The following STK3 variants were observed in gnomAD, a reference collection of about 807,000 sequenced individuals.
STK3 encodes the protein serine/threonine-protein kinase 3.
Under a neutral mutation model 58.0 loss-of-function variants are expected in STK3, and 41 were observed. The ratio of observed to expected loss-of-function variants is 0.71; its 90% CI spans 0.55 to 0.92. STK3 has a LOEUF of 0.92. Among genes scored for constraint, STK3 ranks in the 40% least tolerant of loss-of-function variants. The probability of loss-of-function intolerance (pLI) is 0.00; values close to 1 mark genes in which losing one functional copy is unlikely to be tolerated. For missense variants in STK3, 479 were observed against 602.7 expected (o/e 0.79, Z 2.15); for synonymous variants, 170 against 191.0 (o/e 0.89, Z 0.91).
chr8:98,548,906 A>G (rs1399630454), intron 8 of STK3, among the ~76,000 whole-genome samples: 2 of 152,186 alleles, frequency 1.3e-5, no homozygotes, highest in Non-Finnish European at 2.9e-5. Context: ...AGCCTAATGC[A>G]TTCAAGATTC....
chr8:98,588,934 GGTT>G (rs1814956249), intron 7 of STK3, among the ~76,000 whole-genome samples: 1 of 146,746 alleles, frequency 6.8e-6, no homozygotes, highest in African/African-American at 2.5e-5. Context: ...CTCGAGCCTT[GGTT>G]TTCAGCTCCA....
chr8:98,344,851 C>T, the STK3 span, among the ~76,000 whole-genome samples: 3 of 139,788 alleles, frequency 2.1e-5, no homozygotes, highest in African/African-American at 8.0e-5. Context: ...CGAGATCCCG[C>T]CACTGCACTC....
intron 1 of STK3, among the ~76,000 whole-genome samples, chr8:98,928,533 C>T (rs2132031037): frequency 6.6e-6 from 1 of 152,272 alleles, no homozygotes; most frequent in Non-Finnish European, 1.5e-5. Flanking sequence ...ATAGTTATTC[C>T]ACCTTTGACT....
intron 2 of STK3, among the ~76,000 whole-genome samples, chr8:98,378,082 A>T (rs7005379): frequency 0.63 from 95,396 of 151,992 alleles, 30,760 homozygotes; most frequent in Non-Finnish European, 0.69. Flanking sequence ...AAGAAGCAAG[A>T]CAGCTTCAGA....
At chr8:98,842,479 C>G (rs1489807859) in intron 3 of STK3, among the ~76,000 whole-genome samples, 1 of 152,138 alleles carries the variant, frequency 6.6e-6, no homozygotes, top group Admixed American at 6.6e-5. Flanking sequence ...AGTCTGAAAA[C>G]AGCCTGGGCA....
rs534454249 is a variant in STK3 at position 98,547,908 on chromosome 8, T to C, written c.1141+61A>G. On this transcript the variant is annotated intron_variant, in intron 9 of 10. Coordinates refer to ENST00000419617, the MANE Select transcript of STK3 (RefSeq NM_006281.4). ...AAAAAGTAACACAGAACTAGCCTGG[T>C]TCCTATAAAAGTATCCTTTCGAATT... 3 of 1,394,924 alleles carry C rather than the reference T, an allele frequency of 2.2e-6. No individual in the cohort carries two copies. The South Asian group carries it at 5.5e-5, about 26-fold the overall frequency. 86.4% of individuals were successfully genotyped at this position (1,394,924 alleles called of 1,614,324 possible).
chr8:98,671,612 C>T (rs1016954728), intron 6 of STK3, among the ~76,000 whole-genome samples: 7 of 151,582 alleles, frequency 4.6e-5, no homozygotes, highest in South Asian at 2.1e-4. Flanking sequence ...CAGGGTCTCT[C>T]GCTCTGTCAC....
intron 3 of STK3, among the ~76,000 whole-genome samples, chr8:98,864,188 A>G (rs1193971607): frequency 2.5e-5 from 3 of 120,352 alleles, no homozygotes; most frequent in South Asian, 2.7e-4. Flanking sequence ...ACAGAGCGAG[A>G]CTCCTTCTCA....
intron 6 of STK3, among the ~76,000 whole-genome samples, chr8:98,661,624 G>A (rs781447358): frequency 2.0e-5 from 3 of 151,942 alleles, no homozygotes; most frequent in South Asian, 2.1e-4. Context: ...CATAATCTTC[G>A]GGGAGGAAAA....
chr8:98,649,241 T>C (rs961005044), intron 6 of STK3, among the ~76,000 whole-genome samples: 1 of 152,176 alleles, frequency 6.6e-6, no homozygotes, highest in Non-Finnish European at 1.5e-5. Flanking sequence ...ATCGTAGATA[T>C]CAACCATTTA....
chr8:98,720,979 C>T (rs1587417619), intron 4 of STK3: 2 of 532,148 alleles, frequency 3.8e-6, no homozygotes, highest in South Asian at 8.2e-5. Context: ...GTACCTGCCC[C>T]AGCTCAGCAT....
chr8:98,679,953 T>C (rs1219003723), intron 6 of STK3, among the ~76,000 whole-genome samples: 1 of 152,212 alleles, frequency 6.6e-6, no homozygotes, highest in Non-Finnish European at 1.5e-5. Flanking sequence ...TGATTTGGTA[T>C]AACAAAGGTA....
At chr8:98,624,197 G>C (rs1011228775) in intron 6 of STK3, among the ~76,000 whole-genome samples, 5 of 152,184 alleles carry the variant, frequency 3.3e-5, no homozygotes, top group African/African-American at 1.2e-4. Flanking sequence ...TCTTTTGGGG[G>C]CATCAGTCTT....
chr8:98,927,116 G>A (rs774620527), intron 1 of STK3, among the ~76,000 whole-genome samples: 59 of 152,204 alleles, frequency 3.9e-4, no homozygotes, highest in Non-Finnish European at 7.2e-4. Context: ...CAGAATGAGG[G>A]TGATGAGATG....
chr8:98,687,147 A>T (rs1161507330), intron 6 of STK3, among the ~76,000 whole-genome samples: 2 of 152,208 alleles, frequency 1.3e-5, no homozygotes, highest in African/African-American at 4.8e-5. Context: ...ATCCAAGGTC[A>T]CCCAAAAGAA....
chr8:98,733,055 G>C (rs1828322442), intron 4 of STK3, among the ~76,000 whole-genome samples: 1 of 152,074 alleles, frequency 6.6e-6, no homozygotes, highest in Non-Finnish European at 1.5e-5. Context: ...GTACAACACT[G>C]GATATTTAGA....
At chr8:98,517,193 C>T (rs1824999306) in intron 10 of STK3, among the ~76,000 whole-genome samples, 1 of 152,012 alleles carries the variant, frequency 6.6e-6, no homozygotes, top group Non-Finnish European at 1.5e-5. Flanking sequence ...CATTTATCTC[C>T]TTAAGGTCTG....
At chr8:98,904,172 A>G (rs1410673948) in intron 1 of STK3, among the ~76,000 whole-genome samples, 2 of 152,246 alleles carry the variant, frequency 1.3e-5, no homozygotes, top group African/African-American at 2.4e-5. Context: ...ATTAACTTCA[A>G]TGTTAGAGTC....
rs2131727811 is a variant in STK3 at position 98,579,768 on chromosome 8, T to C, written c.844A>G (p.Lys282Glu). 1 of 1,578,614 alleles carries C rather than the reference T, an allele frequency of 6.3e-7. No individual in the cohort carries two copies. The highest frequency in any genetic ancestry group is 1.7e-4 in the Middle Eastern group (1 of 5,984). Residue 282 changes from lysine to glutamate, a missense_variant, in exon 8 of 11, where the codon AAA becomes GAA. Transcript: ENST00000419617. ...LLQHPFIKNAKPVSILRDLIT... is the reference protein window; with the variant it reads ...LLQHPFIKNAEPVSILRDLIT... ...AGGTCTCTTAATATTGATACAGGTT[T>C]GGCATTCTTGATAAAAGGATGCTAA...
Sources: gnomAD v4.1 joint callset for allele counts (sites outside exome capture counted in the v4.1 genomes callset) on GRCh38, gnomAD v4.1.1 for gene constraint, MANE v1.5 for transcripts, NCBI Gene and HGNC (gene_info 2026-07-23, HGNC 2026-07-21) for gene names.